Variants in KIFC3 observed in about 807,000 individuals in gnomAD.
The protein encoded by KIFC3 is kinesin family member C3.
KIFC3 carries 60 observed loss-of-function variants against 101.8 expected under a neutral mutation model. That is an observed-to-expected ratio of 0.59 (90% confidence interval 0.48 to 0.73). The LOEUF (loss-of-function observed/expected upper bound fraction) is 0.73, where lower values mean the gene tolerates loss of function less well. Among genes scored for constraint, KIFC3 ranks in the 30% least tolerant of loss-of-function variants. The pLI is 0.00. For missense variants in KIFC3, 966 were observed against 1,137.1 expected (o/e 0.85, Z 2.16); for synonymous variants, 476 against 482.7 (o/e 0.99, Z 0.18).
At chr16:57,802,893 C>T, upstream of KIFC3, 2 of 1,356,564 alleles carry the variant, frequency 1.5e-6, no homozygotes, top group Admixed American at 2.0e-5. This position sits in a 1 kb window ranked among gnomAD's most constrained non-coding sequence, Gnocchi z 5.0. Flanking sequence ...CACACATACA[C>T]TTCTCACGCG....
rs782320758 is a variant in KIFC3 at position 57,771,405 on chromosome 16, C to T, written c.558G>A (p.Gln186=). The T allele has an allele frequency of 2.5e-6, 4 of 1,613,528 alleles. No individual in the cohort carries two copies. The African/African-American group carries it at 4.0e-5, about 16-fold the overall frequency. ...TGCTTTCCGCCATCTCCAGCTGCAG[C>T]TGGGACAGCTTGTCACGGAGCTGGG... ...ESAQLRDKLS[Q]LQLEMAESKG... is the part of the protein sequence containing the mutation. Residue 186 remains glutamine (Q), a synonymous_variant, in exon 6 of 20, where the codon CAG becomes CAA. Coordinates refer to ENST00000445690, the MANE Select transcript of KIFC3 (RefSeq NM_001130100.2).
At chr16:57,768,093 A>G (rs541077224) in intron 9 of KIFC3, among the ~76,000 whole-genome samples, 6 of 152,280 alleles carry the variant, frequency 3.9e-5, no homozygotes, top group African/African-American at 1.4e-4. Context: ...TGGGAGGCGG[A>G]GGTGGGCGGA....
At chr16:57,778,015 C>T (rs1275237020) in intron 3 of KIFC3, among the ~76,000 whole-genome samples, 2 of 151,888 alleles carry the variant, frequency 1.3e-5, no homozygotes, top group African/African-American at 4.8e-5. Context: ...GAGGGCCAGG[C>T]GTGGTGTAAT....
Position 57,766,056 on chromosome 16 carries a change from T to C in KIFC3, c.1331-416A>G, listed in dbSNP as rs191421188. On this transcript the variant is annotated intron_variant, in intron 10 of 19. Transcript: ENST00000445690. The stretch of plus-strand genomic sequence containing the variant: ...GGCAGGACAGGGCTTAGGAATCAGA[T>C]GGGCATATAGGCCCAGGCAGCAGGT... 4.6e-5 allele frequency among the ~76,000 whole-genome samples: 7 copies of C among 152,294 alleles called. No homozygotes were observed. In the East Asian group the frequency reaches 1.4e-3, roughly 29 times the overall value.
At chr16:57,847,099 C>G (rs1016709439) in intron 1 of KIFC3, among the ~76,000 whole-genome samples, 2 of 151,624 alleles carry the variant, frequency 1.3e-5, no homozygotes, top group Non-Finnish European at 2.9e-5. Flanking sequence ...GCATGAGAAT[C>G]TCTTGAACAC....
intron 1 of KIFC3, among the ~76,000 whole-genome samples, chr16:57,809,196 A>G (rs144359066): frequency 3.8e-4 from 58 of 152,282 alleles, no homozygotes; most frequent in African/African-American, 1.3e-3. Flanking sequence ...ATTTTTCTGA[A>G]GTGCAGACAT....
chr16:57,764,061 CACAAT>C lies in KIFC3; in HGVS notation c.1617+77_1617+81del. The C allele has an allele frequency of 6.1e-6, 6 of 984,502 alleles. No individual in the cohort carries two copies. In the South Asian group the frequency reaches 6.7e-5, roughly 11 times the overall value. 61.0% of individuals were successfully genotyped at this position (984,502 alleles called of 1,614,324 possible). A position where few individuals can be genotyped will look rare whatever the true frequency, so the allele number is the denominator to read the frequency against. On this transcript the variant is annotated intron_variant, in intron 12 of 19. Coordinates refer to ENST00000445690, the MANE Select transcript of KIFC3 (RefSeq NM_001130100.2). Reference sequence around the variant, plus strand: ...ACCAAATGAGGCAAAACACACACTGCACAATACCCCAAGACCAATGAGGGAGCCCG... The same window carrying C: ...ACCAAATGAGGCAAAACACACACTGCACCCCAAGACCAATGAGGGAGCCCG...
intron 1 of KIFC3, among the ~76,000 whole-genome samples, chr16:57,858,832 C>T (rs990361209): frequency 1.3e-5 from 2 of 152,138 alleles, no homozygotes; most frequent in African/African-American, 4.8e-5. Flanking sequence ...TGCCTGTAAT[C>T]TCAGCTACTC....
Position 57,775,060 on chromosome 16 carries a change from G to A in KIFC3, c.316-2772C>T. On this transcript the variant is annotated intron_variant, in intron 3 of 19. Coordinates refer to ENST00000445690, the MANE Select transcript of KIFC3 (RefSeq NM_001130100.2). ...GTGGGGTTTGCCAGTGTTTGCTGGG[G>A]GTGGGAGGCGGGATACCCACCAGCC... The A allele has an allele frequency of 2.6e-6, 4 of 1,513,062 alleles. No individual in the cohort carries two copies. In the South Asian group the frequency reaches 5.0e-5, roughly 19 times the overall value. 93.7% of individuals were successfully genotyped at this position (1,513,062 alleles called of 1,614,324 possible).
rs1316744970 is a variant in KIFC3, at chr16:57,769,766, G to T, written c.1088-41C>A. The T allele has an allele frequency of 1.9e-6, 3 of 1,612,540 alleles. No homozygotes were observed. The highest frequency in any genetic ancestry group is 2.5e-6 in the Non-Finnish European group (3 of 1,179,608). On this transcript the variant is annotated intron_variant, in intron 8 of 19. Coordinates refer to ENST00000445690, the MANE Select transcript of KIFC3 (RefSeq NM_001130100.2). The surrounding 1 kb of genome is among the most constrained non-coding windows in gnomAD (Gnocchi z 4.3). Reference sequence around the variant, plus strand: ...GGCTGTGAGGCGGGAGGGGATGAGGGGCCGCGGCGTGGGGCAGACAGGGCC... The same window carrying T: ...GGCTGTGAGGCGGGAGGGGATGAGGTGCCGCGGCGTGGGGCAGACAGGGCC...
At chr16:57,815,778 C>A in intron 1 of KIFC3, 2 of 608,190 alleles carry the variant, frequency 3.3e-6, no homozygotes, top group Non-Finnish European at 5.2e-6. Flanking sequence ...TCCTTGGGAT[C>A]ACCAACTTCT....
chr16:57,795,176 G>A (rs199814307), intron 2 of KIFC3, 35 bp from the exon 3 acceptor site: 136 of 1,595,840 alleles, frequency 8.5e-5, no homozygotes, highest in Admixed American at 1.1e-4. Context: ...GAGACACTCC[G>A]ACCACTGGCC....
intron 1 of KIFC3, among the ~76,000 whole-genome samples, chr16:57,800,976 G>A (rs1555625376): frequency 6.6e-6 from 1 of 152,130 alleles, no homozygotes; most frequent in Non-Finnish European, 1.5e-5. Context: ...TTGCCTCTCC[G>A]TACTTCATTA....
upstream of KIFC3, among the ~76,000 whole-genome samples, chr16:57,804,756 ATTTTT>A (rs1229766123): frequency 7.0e-6 from 1 of 143,330 alleles, no homozygotes; most frequent in African/African-American, 2.6e-5. Flanking sequence ...TGCCTAGCTA[ATTTTT>A]TTTTTTTTTA....
At chr16:57,797,160 C>T (rs926409639) in intron 2 of KIFC3, among the ~76,000 whole-genome samples, 1 of 152,244 alleles carries the variant, frequency 6.6e-6, no homozygotes, top group East Asian at 1.9e-4. Context: ...TGCTGTGTGC[C>T]CTCTCTGGGC....
rs2050547790 is a variant in KIFC3 at position 57,766,890 on chromosome 16, C to T, written c.1314G>A (p.Glu438=). The part of the protein sequence containing the change: ...ELQLRKKCHN[E]LVRLKGNIRV... ...TGCAGTCACCTTTCAGCCGCACGAGCTCATTGTGGCACTTCTTACGCAGCT... is the reference window on the plus strand; with the variant it reads ...TGCAGTCACCTTTCAGCCGCACGAGTTCATTGTGGCACTTCTTACGCAGCT... Residue 438 remains glutamate, a synonymous_variant, in exon 10 of 20, where the codon GAG becomes GAA. Coordinates refer to ENST00000445690, the MANE Select transcript of KIFC3 (RefSeq NM_001130100.2). The T allele has an allele frequency of 1.9e-6, 3 of 1,610,124 alleles. No individual in the cohort carries two copies. In the Admixed American group the frequency reaches 5.0e-5, roughly 27 times the overall value.
chr16:57,821,079 G>A (rs542482473), intron 1 of KIFC3, among the ~76,000 whole-genome samples: 13 of 151,462 alleles, frequency 8.6e-5, no homozygotes, highest in East Asian at 1.9e-4. Context: ...CGCAGTGAGC[G>A]AAGATTACAC....
At chr16:57,817,481 A>G (rs888687071) in intron 1 of KIFC3, among the ~76,000 whole-genome samples, 20 of 152,208 alleles carry the variant, frequency 1.3e-4, no homozygotes, top group South Asian at 6.2e-4. Context: ...CTGAAGGCCT[A>G]GGAGAGAATC....
chr16:57,850,464 GGTTTTTT>G (rs1445291214), intron 1 of KIFC3, among the ~76,000 whole-genome samples: 1 of 121,942 alleles, frequency 8.2e-6, no homozygotes, highest in Non-Finnish European at 1.7e-5. Flanking sequence ...TTTTAAAAAG[GGTTTTTT>G]TTTTTTTTTT....
Sources: gnomAD v4.1 joint callset for allele counts (sites outside exome capture counted in the v4.1 genomes callset) on GRCh38, gnomAD v4.1.1 for gene constraint, Gnocchi (gnomAD v3.1) non-coding constraint, MANE v1.5 for transcripts, NCBI Gene and HGNC (gene_info 2026-07-23, HGNC 2026-07-21) for gene names.